The following NLGN1 variants were observed in gnomAD, a reference collection of about 807,000 sequenced individuals.
NLGN1 encodes neuroligin 1.
A neutral mutation model predicts 65.5 loss-of-function variants in NLGN1; 12 were observed. That is an observed-to-expected ratio of 0.18 (90% confidence interval 0.12 to 0.30). NLGN1 has a LOEUF of 0.30. Ranked by LOEUF, NLGN1 falls within the 10% of genes least tolerant of loss-of-function variation. NLGN1 has a pLI of 1.00. For synonymous variants in NLGN1, 350 were observed against 359.5 expected (o/e 0.97, Z 0.30); for missense variants, 750 against 1,007.1 (o/e 0.74, Z 3.46).
intron 3 of NLGN1, among the ~76,000 whole-genome samples, chr3:173,777,011 G>A (rs1001364844): frequency 1.3e-5 from 2 of 151,952 alleles, no homozygotes; most frequent in Non-Finnish European, 2.9e-5. Context: ...TGGGAAAGCA[G>A]TAAGAGTGAT....
chr3:173,870,942 T>C (rs1237037178), intron 4 of NLGN1, among the ~76,000 whole-genome samples: 1 of 152,224 alleles, frequency 6.6e-6, no homozygotes, highest in Non-Finnish European at 1.5e-5. Flanking sequence ...TTTGTTCTAA[T>C]GAGGCAGCTC....
chr3:174,136,974 C>G (rs1721338381), intron 4 of NLGN1, among the ~76,000 whole-genome samples: 1 of 152,124 alleles, frequency 6.6e-6, no homozygotes, highest in South Asian at 2.1e-4. Context: ...ATAGCTTAGC[C>G]TAGCCTATCT....
chr3:173,971,265 A>G (rs1716171711), intron 4 of NLGN1, among the ~76,000 whole-genome samples: 1 of 152,122 alleles, frequency 6.6e-6, no homozygotes, highest in African/African-American at 2.4e-5. Context: ...TGCCAATGAG[A>G]TGTCGGTTGT....
intron 4 of NLGN1, among the ~76,000 whole-genome samples, chr3:173,912,063 G>A (rs116262337): frequency 0.011 from 1,720 of 152,192 alleles, 10 homozygotes; most frequent in Non-Finnish European, 0.019. Flanking sequence ...TGAAATATAA[G>A]CCAGTAACTA....
At chr3:173,525,623 C>A (rs62291334) in intron 2 of NLGN1, among the ~76,000 whole-genome samples, 58,913 of 151,516 alleles carry the variant, frequency 0.39, 13,080 homozygotes, top group East Asian at 0.82. Context: ...CTTGTTATTT[C>A]TTTTCTTCTG....
At chr3:173,657,497 C>G (rs1482135877) in intron 3 of NLGN1, among the ~76,000 whole-genome samples, 1 of 151,848 alleles carries the variant, frequency 6.6e-6, no homozygotes, top group Non-Finnish European at 1.5e-5. Flanking sequence ...TTTCCTCTTT[C>G]AGAAATTATT....
chr3:173,973,889 G>C (rs1208852876), intron 4 of NLGN1, among the ~76,000 whole-genome samples: 1 of 151,890 alleles, frequency 6.6e-6, no homozygotes, highest in Non-Finnish European at 1.5e-5. Flanking sequence ...CACCCTAATA[G>C]GCTGAAAATA....
rs116108931 is a variant in NLGN1 at position 173,467,818 on chromosome 3, G to T, written c.-321+32740G>T. Among the ~76,000 whole-genome samples, 782 of 152,188 alleles carry T rather than the reference G, an allele frequency of 5.1e-3. 9 individuals carry two copies. Among genetic ancestry groups the T allele is most frequent in the African/African-American group, 0.018 (760 of 41,532 alleles). Reference sequence around the variant, plus strand: ...TCCATGCAGTCCTTTAGAGATCAAGGCTTCTTCCATCTGTTGGCTTCACCA... The same window carrying T: ...TCCATGCAGTCCTTTAGAGATCAAGTCTTCTTCCATCTGTTGGCTTCACCA... On this transcript the variant is annotated intron_variant, in intron 2 of 6. Transcript: ENST00000457714.
intron 4 of NLGN1, among the ~76,000 whole-genome samples, chr3:173,845,813 G>C (rs569092090): frequency 6.6e-6 from 1 of 152,214 alleles, no homozygotes; most frequent in South Asian, 2.1e-4. Context: ...TTGACTCTTA[G>C]ATTTTTTTCA....
chr3:173,843,816 C>T (rs1725251338), intron 4 of NLGN1, among the ~76,000 whole-genome samples: 1 of 152,180 alleles, frequency 6.6e-6, no homozygotes, highest in African/African-American at 2.4e-5. Context: ...CAACCTCTGC[C>T]TATTACCCAA....
At chr3:173,454,625 T>C (rs945956159) in intron 2 of NLGN1, among the ~76,000 whole-genome samples, 1 of 152,262 alleles carries the variant, frequency 6.6e-6, no homozygotes, top group Admixed American at 6.5e-5. Flanking sequence ...TGCTTCCAAC[T>C]TCTTTTCTGT....
chr3:174,254,025 A>G (rs1027771208), intron 4 of NLGN1, among the ~76,000 whole-genome samples: 8 of 152,132 alleles, frequency 5.3e-5, no homozygotes, highest in Admixed American at 3.3e-4. Flanking sequence ...AATTATTCCA[A>G]TTTTCAATAT....
chr3:174,167,107 AAGAAAGATGAGTCTT>A (rs1246394973), intron 4 of NLGN1, among the ~76,000 whole-genome samples: 13 of 152,114 alleles, frequency 8.5e-5, no homozygotes, highest in African/African-American at 2.9e-4. Context: ...TTGAAGACAG[AAGAAAGATGAGTCTT>A]GTTATTTTAT....
At chr3:173,528,936 C>T (rs1032540206) in intron 2 of NLGN1, among the ~76,000 whole-genome samples, 7 of 151,800 alleles carry the variant, frequency 4.6e-5, no homozygotes, top group African/African-American at 9.7e-5. Flanking sequence ...ATGTAATTTC[C>T]GAATTTTCAT....
chr3:173,843,778 G>T (rs960107403), intron 4 of NLGN1, among the ~76,000 whole-genome samples: 2 of 152,070 alleles, frequency 1.3e-5, no homozygotes, highest in Non-Finnish European at 2.9e-5. Context: ...ACATTTTCCT[G>T]TCTTCTTCTG....
intron 4 of NLGN1, among the ~76,000 whole-genome samples, chr3:174,148,595 A>G (rs1056898105): frequency 1.3e-5 from 2 of 152,170 alleles, no homozygotes; most frequent in Non-Finnish European, 2.9e-5. Context: ...GTCTCCTCCT[A>G]ATTAAGTATA....
intron 4 of NLGN1, among the ~76,000 whole-genome samples, chr3:174,193,294 T>G (rs1431174488): frequency 6.6e-6 from 1 of 152,198 alleles, no homozygotes; most frequent in Admixed American, 6.6e-5. Context: ...CTGATCTCTC[T>G]GCCCTTCAAC....
intron 3 of NLGN1, among the ~76,000 whole-genome samples, chr3:173,786,591 G>A (rs1004624897): frequency 2.6e-5 from 4 of 151,978 alleles, no homozygotes; most frequent in African/African-American, 7.2e-5. Context: ...ATAAATATGT[G>A]TAGTATTTAT....
chr3:173,408,362 T>TA (rs1250714880), intron 1 of NLGN1, among the ~76,000 whole-genome samples: 1 of 152,200 alleles, frequency 6.6e-6, no homozygotes, highest in African/African-American at 2.4e-5. Context: ...CACCATCACT[T>TA]AAAAATTTTT....
Sources: allele counts gnomAD v4.1 joint callset (sites outside exome capture counted in the v4.1 genomes callset), GRCh38; gene constraint gnomAD v4.1.1; transcripts MANE v1.5; gene names NCBI Gene and HGNC (gene_info 2026-07-23, HGNC 2026-07-21).